UBE4B: variants seen among roughly 807,000 people sequenced by gnomAD.
UBE4B encodes the protein ubiquitin conjugation factor E4 B.
In UBE4B, 27 loss-of-function variants were observed where a neutral mutation model predicts 148.1. The ratio of observed to expected loss-of-function variants is 0.18; its 90% confidence interval spans 0.13 to 0.25. The LOEUF is 0.25. UBE4B is among the 10% of genes least tolerant of loss of function. The pLI is 1.00. For missense variants in UBE4B, 1,170 were observed against 1,662.4 expected (o/e 0.70, Z 5.15); for synonymous variants, 596 against 619.3 (o/e 0.96, Z 0.56).
chr1:10,073,580 T>C (rs1442065793), intron 2 of UBE4B, among the ~76,000 whole-genome samples: 1 of 151,770 alleles, frequency 6.6e-6, no homozygotes, highest in Non-Finnish European at 1.5e-5. Flanking sequence ...AAAAGCCGGG[T>C]GTGGTGCTAC....
intron 17 of UBE4B, among the ~76,000 whole-genome samples, chr1:10,141,170 A>G (rs1401775651): frequency 6.6e-6 from 1 of 152,132 alleles, no homozygotes; most frequent in Non-Finnish European, 1.5e-5. Context: ...TGGCATCTCA[A>G]AGGTGCCCAC....
At chr1:10,175,161 G>A (rs1646398666) in intron 25 of UBE4B, among the ~76,000 whole-genome samples, 1 of 152,120 alleles carries the variant, frequency 6.6e-6, no homozygotes, top group Admixed American at 6.5e-5. Flanking sequence ...AGAGCTCCAT[G>A]CCAGAGAAGT....
intron 7 of UBE4B, among the ~76,000 whole-genome samples, chr1:10,108,714 A>G (rs1052880039): frequency 4.6e-5 from 7 of 152,238 alleles, no homozygotes; most frequent in African/African-American, 1.7e-4. Context: ...TGCAAGGTTG[A>G]ATATTGATTC....
At chr1:10,105,812 ATGTT>A (rs1474985416) in intron 6 of UBE4B, 68 bp downstream of exon 6, 2 of 1,477,384 alleles carry the variant, frequency 1.4e-6, no homozygotes, top group Non-Finnish European at 1.9e-6. Context: ...GGAGAAGGGA[ATGTT>A]TGTTGACAGT....
intron 1 of UBE4B, among the ~76,000 whole-genome samples, chr1:10,069,816 A>T (rs1445322174): frequency 1.3e-5 from 2 of 152,098 alleles, no homozygotes; most frequent in African/African-American, 4.8e-5. Flanking sequence ...TTTCATCCCC[A>T]TTGTACAGAT....
chr1:10,171,038 T>A (rs547561408), intron 24 of UBE4B, 100 bp from the exon 25 acceptor site: 2 of 1,284,246 alleles, frequency 1.6e-6, no homozygotes, highest in African/African-American at 3.0e-5. Flanking sequence ...CTTTGAAGAT[T>A]AATCCAACCA....
Position 10,106,668 on chromosome 1 carries a change from A to G in UBE4B, c.1196+85A>G. 2 of 1,456,856 alleles carry G rather than the reference A, an allele frequency of 1.4e-6. No individual in the cohort carries two copies. The highest frequency in any genetic ancestry group is 1.8e-6 in the Non-Finnish European group (2 of 1,108,348). 90.2% of individuals were successfully genotyped at this position (1,456,856 alleles called of 1,614,324 possible). ...CGGTTTGGAAGAAGTGCTGTGTGAC[A>G]CTGACTCTGTTAAATTGTTGTTTTG... On this transcript the variant is annotated intron_variant, in intron 7 of 27. Transcript: ENST00000343090. This position sits in a 1 kb window ranked among gnomAD's most constrained non-coding sequence, Gnocchi z 4.2.
At chr1:10,035,789 C>G (rs1173395311) in intron 1 of UBE4B, among the ~76,000 whole-genome samples, 1 of 150,566 alleles carries the variant, frequency 6.6e-6, no homozygotes, top group Non-Finnish European at 1.5e-5. Flanking sequence ...GTTGCCCAGG[C>G]TAGAGTGCAG....
In UBE4B at chr1:10,106,257, C is replaced by T; in HGVS notation, c.870C>T (p.Gly290=). 1 of 1,613,972 alleles carries T rather than the reference C, an allele frequency of 6.2e-7. No individual in the cohort carries two copies. The highest frequency in any genetic ancestry group is 8.5e-7 in the Non-Finnish European group (1 of 1,179,898). The change falls in exon 7 of 28, where the codon GGC becomes GGT. Residue 290 remains glycine, a synonymous_variant. Coordinates refer to ENST00000343090, the MANE Select transcript of UBE4B (RefSeq NM_001105562.3). The surrounding 1 kb of genome is among the most constrained non-coding windows in gnomAD (Gnocchi z 4.2). ...TCTGGAGCTCTGTTCCCGTGATGGG[C>T]CCGTCTCTTGCCTCACCTTCCCGTG... ...PSFWSSVPVM[G]PSLASPSRAA...
At chr1:10,056,784 C>T (rs1383708722) in intron 1 of UBE4B, among the ~76,000 whole-genome samples, 3 of 152,148 alleles carry the variant, frequency 2.0e-5, no homozygotes, top group Non-Finnish European at 4.4e-5. Context: ...TTCACTCACC[C>T]ATTGCACATG....
chr1:10,055,872 T>C (rs145199337), intron 1 of UBE4B, among the ~76,000 whole-genome samples: 32 of 152,194 alleles, frequency 2.1e-4, no homozygotes, highest in African/African-American at 7.5e-4. Context: ...TGAGCTGAGA[T>C]TGCATCACTG....
chr1:10,108,840 A>G (rs962616214), intron 7 of UBE4B, among the ~76,000 whole-genome samples: 1 of 152,226 alleles, frequency 6.6e-6, no homozygotes, highest in Non-Finnish European at 1.5e-5. Flanking sequence ...GATTATAGTA[A>G]TAAAGCAGGC....
intron 25 of UBE4B, among the ~76,000 whole-genome samples, chr1:10,171,904 G>GTAA (rs1236574705): frequency 6.6e-6 from 1 of 152,116 alleles, no homozygotes; most frequent in East Asian, 1.9e-4. Context: ...AAGTAAGTAA[G>GTAA]TAAGTAAAAA....
rs528437526 is a variant in UBE4B at position 10,175,636 on chromosome 1, G to A, written c.3526-3008G>A. 7.0e-3 allele frequency among the ~76,000 whole-genome samples: 1,059 copies of A among 152,034 alleles called. 6 individuals are homozygous for A. The highest frequency in any genetic ancestry group is 0.011 in the Non-Finnish European group (763 of 67,990). On this transcript the variant is annotated intron_variant, in intron 25 of 27. Transcript: ENST00000343090. ...ACTGCACTCCAGCCTGGGCGACAGAGCGAGACTCCGTCTCAAATAAATAAA... is the reference window on the plus strand; with the variant it reads ...ACTGCACTCCAGCCTGGGCGACAGAACGAGACTCCGTCTCAAATAAATAAA...
chr1:10,097,052 A>ATAATAAT (rs1553143705), intron 3 of UBE4B, among the ~76,000 whole-genome samples: 2 of 138,516 alleles, frequency 1.4e-5, no homozygotes. Flanking sequence ...AAAAAAAAAA[A>ATAATAAT]AATAATAATA....
chr1:10,151,523 C>T lies in UBE4B; in HGVS notation c.2888C>T (p.Thr963Ile). The T allele has an allele frequency of 6.2e-7, 1 of 1,614,164 alleles. No individual in the cohort carries two copies. The highest frequency in any genetic ancestry group is 8.5e-7 in the Non-Finnish European group (1 of 1,180,034). The change falls in exon 21 of 28, where the codon ACC becomes ATC. Residue 963 changes from threonine (T) to isoleucine (I), a missense_variant. Around this residue, in one of 6 missense-constraint regions of UBE4B, gnomAD observed 348 missense variants for 627.2 expected, o/e 0.55. Coordinates refer to ENST00000343090, the MANE Select transcript of UBE4B (RefSeq NM_001105562.3). Reference protein sequence around the residue: ...FEMIENHPLSTKLLVPSLMKF... With the variant: ...FEMIENHPLSIKLLVPSLMKF... ...ATGATTGAGAACCATCCTCTCTCCA[C>T]CAAGTTGTTGGTACCTTCCCTGATG...
chr1:10,131,821 C>T (rs376394184), intron 14 of UBE4B, among the ~76,000 whole-genome samples: 2 of 152,160 alleles, frequency 1.3e-5, no homozygotes, highest in Admixed American at 6.5e-5. Context: ...GGCATGGTGG[C>T]GGGTGCCTGT....
At position 10,135,045 on chromosome 1, in the gene UBE4B, C is replaced by T. The variant is rs2101952034; in HGVS notation, c.2083C>T (p.Gln695Ter). 6.2e-7 allele frequency: 1 copy of T among 1,614,118 alleles called. No individual in the cohort carries two copies. Among genetic ancestry groups the T allele is most frequent in the Non-Finnish European group, 8.5e-7 (1 of 1,180,016 alleles). The stretch of plus-strand genomic sequence containing the variant: ...TATGCTGAATTTCCTTTGGGTACTG[C>T]AGCAGCTAAGTACAAAAATCAAGTT... Reference protein sequence around the residue: ...GFMLNFLWVLQQLSTKIKLET... With the variant: ...GFMLNFLWVL The change falls in exon 16 of 28, where the codon CAG becomes TAG. Residue 695 changes from glutamine (Q) to a stop codon, truncating the protein, a stop_gained. Coordinates refer to ENST00000343090, the MANE Select transcript of UBE4B (RefSeq NM_001105562.3). LOFTEE classifies it high-confidence loss of function.
At chr1:10,056,452 A>G (rs1326007741) in intron 1 of UBE4B, among the ~76,000 whole-genome samples, 1 of 152,216 alleles carries the variant, frequency 6.6e-6, no homozygotes, top group African/African-American at 2.4e-5. Flanking sequence ...TCTGGGAGTT[A>G]GGTACTGTCA....
Sources: allele counts gnomAD v4.1 joint callset (sites outside exome capture counted in the v4.1 genomes callset), GRCh38; gene constraint gnomAD v4.1.1; regional missense constraint gnomAD v4.1.1; non-coding constraint Gnocchi (gnomAD v3.1); transcripts MANE v1.5; gene names NCBI Gene and HGNC (gene_info 2026-07-23, HGNC 2026-07-21).